The following TENM3 variants were observed in gnomAD, a reference collection of about 807,000 sequenced individuals.
TENM3 encodes the protein teneurin transmembrane protein 3, also known as teneurin-3.
In TENM3, 63 loss-of-function variants were observed where a neutral mutation model predicts 255.1. The ratio of observed to expected loss-of-function variants is 0.25; its 90% confidence interval spans 0.20 to 0.30. The LOEUF is 0.30. Among genes scored for constraint, TENM3 ranks in the 10% least tolerant of loss-of-function variants. TENM3 has a pLI of 1.00. For missense variants in TENM3, 2,929 were observed against 3,461.1 expected (o/e 0.85, Z 3.86); for synonymous variants, 1,306 against 1,322.3 (o/e 0.99, Z 0.27).
the TENM3 span, among the ~76,000 whole-genome samples, chr4:181,571,876 A>G: frequency 4.3e-4 from 65 of 152,226 alleles, no homozygotes; most frequent in Non-Finnish European, 7.9e-4. Flanking sequence ...GTTTCTTGGT[A>G]TATCTATTAA....
chr4:182,311,176 G>A (rs145726981), intron 1 of TENM3, among the ~76,000 whole-genome samples: 2,118 of 152,276 alleles, frequency 0.014, 28 homozygotes, highest in South Asian at 0.026. Context: ...TTCTCTAATC[G>A]TCTTTTCCCT....
intron 3 of TENM3, among the ~76,000 whole-genome samples, chr4:182,576,607 T>G (rs1324633828): frequency 6.6e-6 from 1 of 152,234 alleles, no homozygotes; most frequent in African/African-American, 2.4e-5. Context: ...ACCCAATGCT[T>G]CATTTAGTGT....
At chr4:181,578,503 T>C in the TENM3 span, among the ~76,000 whole-genome samples, 1 of 152,202 alleles carries the variant, frequency 6.6e-6, no homozygotes, top group Non-Finnish European at 1.5e-5. Flanking sequence ...CACTGCCCGC[T>C]GCGGAGAGGC....
intron 27 of TENM3, 115 bp downstream of exon 27, chr4:182,796,882 C>T: frequency 1.3e-6 from 1 of 792,706 alleles, no homozygotes; most frequent in Non-Finnish European, 1.8e-6. Flanking sequence ...AACTTTTTGA[C>T]TGTTTTAGGG....
chr4:181,616,938 A>G, the TENM3 span, among the ~76,000 whole-genome samples: 65 of 152,248 alleles, frequency 4.3e-4, no homozygotes, highest in Middle Eastern at 3.4e-3. Flanking sequence ...CTCGTAAATA[A>G]TGCTTTCTTT....
the TENM3 span, among the ~76,000 whole-genome samples, chr4:181,604,554 G>A: frequency 6.6e-6 from 1 of 152,114 alleles, no homozygotes; most frequent in East Asian, 1.9e-4. Flanking sequence ...GGGGCCACTG[G>A]AGCCCACCTC....
chr4:181,593,875 G>T, the TENM3 span, among the ~76,000 whole-genome samples: 6 of 152,206 alleles, frequency 3.9e-5, no homozygotes, highest in Non-Finnish European at 7.4e-5. Flanking sequence ...TTTCTTATTG[G>T]TGTTAGATTA....
the TENM3 span, among the ~76,000 whole-genome samples, chr4:181,448,830 G>T: frequency 4.6e-5 from 7 of 152,060 alleles, no homozygotes; most frequent in African/African-American, 1.7e-4. Flanking sequence ...GGCATTTAAA[G>T]TTTTTTTTAC....
At chr4:181,593,625 T>G in the TENM3 span, among the ~76,000 whole-genome samples, 2 of 152,228 alleles carry the variant, frequency 1.3e-5, no homozygotes, top group African/African-American at 4.8e-5. Flanking sequence ...AGTATACATA[T>G]TTTTAAACTA....
rs576977568 is a variant in TENM3 at position 182,720,117 on chromosome 4, T to C, written c.2368+5884T>C. On this transcript the variant is annotated intron_variant, in intron 13 of 27. Transcript: ENST00000511685. ...ATAAAAAGTAGGAATGTGCTATCAC[T>C]AGAAAAGGGGAGTGAAGGATTGAAA... Among the ~76,000 whole-genome samples the C allele has an allele frequency of 2.3e-3, 354 of 151,962 alleles. 6 individuals are homozygous for C. Among genetic ancestry groups the C allele is most frequent in the South Asian group, 0.021 (101 of 4,808 alleles).
the TENM3 span, among the ~76,000 whole-genome samples, chr4:181,993,948 A>C: frequency 6.6e-6 from 1 of 152,136 alleles, no homozygotes; most frequent in African/African-American, 2.4e-5. Flanking sequence ...GGGAAATATT[A>C]AGAGTGAGTT....
rs1366588911 is a variant in TENM3, at chr4:182,755,055, C to A, written c.4688C>A (p.Thr1563Asn). The change falls in exon 22 of 28, where the codon ACC becomes AAC. Residue 1563 changes from threonine (T) to asparagine (N), a missense_variant. Thr to Asn is a moderately conservative substitution (Grantham distance 65). Coordinates refer to ENST00000511685, the MANE Select transcript of TENM3 (RefSeq NM_001080477.4). ...GCTGTGACAGACAGCAATGGCAACACCCTTAGAATTAGACGGGACCCAAAT... is the reference window on the plus strand; with the variant it reads ...GCTGTGACAGACAGCAATGGCAACAACCTTAGAATTAGACGGGACCCAAAT... ...ITAVTDSNGN[T>N]LRIRRDPNRM... The A allele has an allele frequency of 1.2e-6, 2 of 1,613,976 alleles. No individual in the cohort carries two copies. Among genetic ancestry groups the A allele is most frequent in the South Asian group, 1.1e-5 (1 of 91,076 alleles).
chr4:181,930,549 C>G, the TENM3 span, among the ~76,000 whole-genome samples: 1 of 152,112 alleles, frequency 6.6e-6, no homozygotes, highest in African/African-American at 2.4e-5. Context: ...ACAAAAAGCC[C>G]AGGACCAGAT....
At chr4:182,680,102 A>G in intron 8 of TENM3, 146 bp from the exon 9 acceptor site, 1 of 737,466 alleles carries the variant, frequency 1.4e-6, no homozygotes, top group Non-Finnish European at 2.3e-6. Context: ...TATGTCATGA[A>G]ACACTTTGAA....
intron 13 of TENM3, among the ~76,000 whole-genome samples, chr4:182,726,665 T>C (rs976195937): frequency 3.9e-5 from 6 of 152,072 alleles, no homozygotes; most frequent in Non-Finnish European, 7.4e-5. Context: ...AAACGAAAAG[T>C]TTCATCTGTT....
At chr4:181,631,035 G>A in the TENM3 span, among the ~76,000 whole-genome samples, 5 of 152,160 alleles carry the variant, frequency 3.3e-5, no homozygotes, top group African/African-American at 1.2e-4. Flanking sequence ...GTATCAATAG[G>A]TTGAAATCAA....
At chr4:182,184,956 G>C (rs374348074) in intron 1 of TENM3, among the ~76,000 whole-genome samples, 25 of 152,100 alleles carry the variant, frequency 1.6e-4, no homozygotes, top group Middle Eastern at 3.4e-3. Flanking sequence ...GGTGGTGGGC[G>C]CCTGTGATCC....
the TENM3 span, among the ~76,000 whole-genome samples, chr4:181,465,610 C>CCATAGAACTTTTTTAAAAG: frequency 6.6e-6 from 1 of 152,028 alleles, no homozygotes; most frequent in Non-Finnish European, 1.5e-5. Context: ...ATTCTAGAGC[C>CCATAGAACTTTTTTAAAAG]CATAGAACTT....
At chr4:182,418,051 A>G (rs970795596) in intron 3 of TENM3, among the ~76,000 whole-genome samples, 2 of 152,354 alleles carry the variant, frequency 1.3e-5, no homozygotes, top group Admixed American at 6.5e-5. Flanking sequence ...TGGTATCATT[A>G]CTTCCAAAAC....
Sources: allele counts gnomAD v4.1 joint callset (sites outside exome capture counted in the v4.1 genomes callset), GRCh38; gene constraint gnomAD v4.1.1; transcripts MANE v1.5; gene names NCBI Gene and HGNC (gene_info 2026-07-23, HGNC 2026-07-21).